C11orf65: variants seen among roughly 807,000 people sequenced by gnomAD.
The protein encoded by C11orf65 is protein MFI.
Under a neutral mutation model 35.3 loss-of-function variants are expected in C11orf65, and 38 were observed. The observed-to-expected ratio is 1.08, with a 90% CI of 0.83 to 1.41. C11orf65 has a LOEUF of 1.41. Ranked by LOEUF, C11orf65 falls within the 40% of genes most tolerant of loss-of-function variation. The pLI is 0.00. For missense variants in C11orf65, 370 were observed against 367.1 expected, an observed-to-expected ratio of 1.01 and a Z score of -0.06; for synonymous variants, 105 against 114.4, an observed-to-expected ratio of 0.92 and a Z score of 0.53.
intron 2 of C11orf65, chr11:108,340,403 A>G (rs896651422): frequency 6.6e-6 from 1 of 152,112 alleles, no homozygotes; most frequent in Non-Finnish European, 1.5e-5. Context: ...CATTCTCACA[A>G]TACTGTCATC....
chr11:108,336,141 TAAAA>T lies in C11orf65; in HGVS notation c.227-853_227-850del, dbSNP rs374306537. Reference sequence around the variant, plus strand: ...GTGAGACCCCATCTTGACAAAAAGTTAAAAAAAAAAAAAAAGCCAGAGATGATGG... The same window carrying T: ...GTGAGACCCCATCTTGACAAAAAGTTAAAAAAAAAAAGCCAGAGATGATGG... On this transcript the variant is annotated intron_variant, in intron 2 of 3. Coordinates refer to the C11orf65 transcript ENST00000524755. 55 of 441,024 alleles carry T rather than the reference TAAAA, an allele frequency of 1.2e-4. No individual in the cohort carries two copies. The Admixed American group carries it at 1.5e-3, about 12-fold the overall frequency. The allele number at this position is 441,024 out of a possible 1,614,324, so 27.3% of individuals were successfully genotyped here. A position where few individuals can be genotyped will look rare whatever the true frequency, so the allele number is the denominator to read the frequency against.
intron 2 of C11orf65, among the ~76,000 whole-genome samples, chr11:108,444,180 T>C (rs1421545000): frequency 6.6e-6 from 1 of 152,102 alleles, no homozygotes; most frequent in East Asian, 1.9e-4. Context: ...CATCAGAGAA[T>C]ACTATAAACA....
chr11:108,350,553 G>A (rs984133249), intron 2 of C11orf65, among the ~76,000 whole-genome samples: 10 of 152,186 alleles, frequency 6.6e-5, no homozygotes, highest in Non-Finnish European at 1.2e-4. Flanking sequence ...AGACAGTCAC[G>A]GATATTATAT....
intron 2 of C11orf65, among the ~76,000 whole-genome samples, chr11:108,345,261 T>C (rs1287875812): frequency 1.3e-5 from 2 of 152,274 alleles, no homozygotes; most frequent in Admixed American, 6.5e-5. Context: ...AGCACATAGA[T>C]GGAAGGGAGT....
At chr11:108,435,708 T>C (rs896357284) in intron 2 of C11orf65, among the ~76,000 whole-genome samples, 1 of 152,238 alleles carries the variant, frequency 6.6e-6, no homozygotes, top group African/African-American at 2.4e-5. Flanking sequence ...GTAGTATCTA[T>C]GAGTATTTCT....
chr11:108,442,569 C>T (rs1378427323), intron 2 of C11orf65, among the ~76,000 whole-genome samples: 1 of 152,130 alleles, frequency 6.6e-6, no homozygotes, highest in East Asian at 1.9e-4. Context: ...TAAGGGCAGC[C>T]AGAGAGAAAG....
chr11:108,412,310 GA>G lies in C11orf65; in HGVS notation c.175-5162del, dbSNP rs909893591. ...AGGCAGTAAAGTGAAGGAATACAGA[GA>G]AAAAAAAAACAATGGCAACAAACAG... On this transcript the variant is annotated intron_variant, in intron 3 of 8. Transcript: ENST00000393084. Among the ~76,000 whole-genome samples, 400 of 142,256 alleles carry G rather than the reference GA, an allele frequency of 2.8e-3. 1 individual carries two copies. Among genetic ancestry groups the G allele is most frequent in the African/African-American group, 8.4e-3 (325 of 38,852 alleles). The allele number at this position is 142,256 out of a possible 152,430, so 93.3% of individuals were successfully genotyped here.
At chr11:108,456,951 A>AGGAT (rs1270924019) in intron 2 of C11orf65, among the ~76,000 whole-genome samples, 1 of 152,200 alleles carries the variant, frequency 6.6e-6, no homozygotes, top group Non-Finnish European at 1.5e-5. Flanking sequence ...ACTTGCATTC[A>AGGAT]GGATGTATGA....
intron 6 of C11orf65, chr11:108,312,456 C>A (rs774260725): frequency 6.3e-7 from 1 of 1,596,698 alleles, no homozygotes; most frequent in Non-Finnish European, 8.6e-7. Context: ...CTATTTCTAG[C>A]TTGAGTGAAA....
chr11:108,393,358 T>G lies in C11orf65; in HGVS notation c.581A>C (p.Glu194Ala). 6.2e-7 allele frequency: 1 copy of G among 1,613,962 alleles called. No individual in the cohort carries two copies. The highest frequency in any genetic ancestry group is 8.5e-7 in the Non-Finnish European group (1 of 1,179,900). ...MRQMYYSGSL[E>A]AKSTHHETLG... ...AGTTTCATGATGTGTTGACTTAGCC[T>G]CCAGACTTCCTGAGTAGTACCTAAA... The change falls in exon 7 of 9, where the codon GAG (glutamate) becomes GCG (alanine). Residue 194 changes from glutamate (E) to alanine (A), a missense_variant. Glu to Ala is a moderately radical substitution (Grantham distance 107). Coordinates refer to ENST00000393084, the MANE Select transcript of C11orf65 (RefSeq NM_152587.5).
intron 6 of C11orf65, among the ~76,000 whole-genome samples, chr11:108,403,567 T>C (rs937234442): frequency 6.6e-6 from 1 of 152,202 alleles, no homozygotes; most frequent in South Asian, 2.1e-4. Context: ...ATGTCCTCTT[T>C]AAAAAATCTT....
At chr11:108,343,488 A>G in intron 2 of C11orf65, 1 of 1,248,294 alleles carries the variant, frequency 8.0e-7, no homozygotes, top group South Asian at 1.4e-5. Context: ...GTAATTGTCA[A>G]AGATACTAAG....
At chr11:108,381,922 C>A (rs59275973), downstream of C11orf65, among the ~76,000 whole-genome samples, 1,617 of 135,626 alleles carry the variant, frequency 0.012, 21 homozygotes, top group African/African-American at 0.04. Flanking sequence ...AAAGGCATTG[C>A]GGCTTCCTCC....
At position 108,385,946 on chromosome 11, in the gene C11orf65, G is replaced by A. The variant is rs984356133; in HGVS notation, c.761C>T (p.Thr254Ile). ...TTTGAAGTTAGCCGAAGAGTTGCTT[G>A]TAGCAATTTCCTTCCAGCTGGCAAT... ...EYIASWKEIA[T>I]SNSSANFKGF... is the part of the protein sequence containing the mutation. The change falls in exon 8 of 9, where the codon ACA becomes ATA. Residue 254 changes from threonine (T) to isoleucine (I), a missense_variant. Physicochemically the swap from Thr to Ile is moderately conservative, Grantham distance 89. Transcript: ENST00000393084. 5 of 1,613,886 alleles carry A rather than the reference G, an allele frequency of 3.1e-6. No individual in the cohort carries two copies. The highest frequency in any genetic ancestry group is 4.2e-6 in the Non-Finnish European group (5 of 1,179,924).
chr11:108,449,367 A>G (rs147992152), intron 2 of C11orf65, among the ~76,000 whole-genome samples: 93,685 of 151,556 alleles, frequency 0.62, 29,398 homozygotes, highest in Middle Eastern at 0.76. Flanking sequence ...GAGGCATCAC[A>G]CTACCTGACT....
At chr11:108,373,183 G>A (rs563306120) in intron 2 of C11orf65, among the ~76,000 whole-genome samples, 2 of 152,154 alleles carry the variant, frequency 1.3e-5, no homozygotes, top group African/African-American at 4.8e-5. Context: ...ATCAATATAA[G>A]AAAGAGGTAA....
intron 6 of C11orf65, among the ~76,000 whole-genome samples, chr11:108,319,332 C>T (rs1291675525): frequency 6.6e-6 from 1 of 152,168 alleles, no homozygotes; most frequent in Admixed American, 6.5e-5. Context: ...TCTCCTTCCT[C>T]TTGTATTTCA....
chr11:108,385,160 G>A lies in C11orf65; in HGVS notation c.787+760C>T, dbSNP rs556906995. 1.4e-4 allele frequency among the ~76,000 whole-genome samples: 22 copies of A among 151,956 alleles called. No homozygotes were observed. In the South Asian group the frequency reaches 4.4e-3, roughly 30 times the overall value. On this transcript the variant is annotated intron_variant, in intron 8 of 8. Coordinates refer to ENST00000393084, the MANE Select transcript of C11orf65 (RefSeq NM_152587.5). ...GCAATCTTGGCTCACTGCAACCTCCGCCTCCCTGTTCAAACGATTCTCTTG... is the reference window on the plus strand; with the variant it reads ...GCAATCTTGGCTCACTGCAACCTCCACCTCCCTGTTCAAACGATTCTCTTG...
chr11:108,343,183 G>T lies in C11orf65; in HGVS notation c.227-7891C>A, dbSNP rs2136936674. On this transcript the variant is annotated intron_variant, in intron 2 of 3. Coordinates refer to the C11orf65 transcript ENST00000524755. ...AATGATCATCAAATGCTCTTTAATG[G>T]CCTTTTAAAATTAAAAGGTATTTAA... 1 of 1,611,314 alleles carries T rather than the reference G, an allele frequency of 6.2e-7. No individual in the cohort carries two copies. The highest frequency in any genetic ancestry group is 8.5e-7 in the Non-Finnish European group (1 of 1,177,674).
Sources: allele counts gnomAD v4.1 joint callset (sites outside exome capture counted in the v4.1 genomes callset), GRCh38; gene constraint gnomAD v4.1.1; transcripts MANE v1.5; gene names NCBI Gene and HGNC (gene_info 2026-07-23, HGNC 2026-07-21).